GPHN: variants seen among roughly 807,000 people sequenced by gnomAD.
GPHN encodes the protein gephyrin.
A neutral mutation model predicts 95.5 loss-of-function variants in GPHN; 17 were observed. That is an observed-to-expected ratio of 0.18 (90% CI 0.12 to 0.27). GPHN has a LOEUF of 0.27. Ranked by LOEUF, GPHN falls within the 10% of genes least tolerant of loss-of-function variation. The pLI, the probability that GPHN is intolerant of heterozygous loss-of-function variation, is 1.00. For missense variants in GPHN, 660 were observed against 978.1 expected (o/e 0.67, Z 4.34); for synonymous variants, 320 against 322.5 (o/e 0.99, Z 0.08).
At chr14:66,998,327 A>G (rs375967285) in intron 9 of GPHN, among the ~76,000 whole-genome samples, 4 of 152,116 alleles carry the variant, frequency 2.6e-5, no homozygotes, top group South Asian at 2.1e-4. Context: ...TGTGGTCTCC[A>G]TAGGTGCTGT....
At chr14:67,195,266 C>A in the GPHN span, among the ~76,000 whole-genome samples, 3 of 152,204 alleles carry the variant, frequency 2.0e-5, no homozygotes, top group African/African-American at 7.2e-5. Context: ...GAGACCCAGT[C>A]GTGGCTGCAA....
At chr14:66,662,001 G>A (rs1161170620) in intron 1 of GPHN, among the ~76,000 whole-genome samples, 2 of 152,192 alleles carry the variant, frequency 1.3e-5, no homozygotes, top group Non-Finnish European at 2.9e-5. Context: ...ATGTTCTGTG[G>A]CTAAGAGGTT....
At chr14:67,123,295 A>C (rs909855513) in intron 17 of GPHN, among the ~76,000 whole-genome samples, 1 of 152,226 alleles carries the variant, frequency 6.6e-6, no homozygotes, top group African/African-American at 2.4e-5. Context: ...GCTTTTGAAG[A>C]GGTTCTGACC....
At chr14:67,382,367 A>G in the GPHN span, 1 of 1,332,636 alleles carries the variant, frequency 7.5e-7, no homozygotes, top group African/African-American at 1.5e-5. Context: ...AATACAGCAG[A>G]TTAATAAAAT....
At chr14:66,639,961 G>A (rs528308726) in intron 1 of GPHN, among the ~76,000 whole-genome samples, 49 of 152,216 alleles carry the variant, frequency 3.2e-4, no homozygotes, top group African/African-American at 1.1e-3. Context: ...TGGAGATTAG[G>A]TTAGAGAAGA....
chr14:67,325,733 C>T, the GPHN span, among the ~76,000 whole-genome samples: 1 of 152,020 alleles, frequency 6.6e-6, no homozygotes, highest in African/African-American at 2.4e-5. Flanking sequence ...TCTTTTTAGG[C>T]TATCTTTTTT....
chr14:66,665,918 G>A (rs1253411038), intron 1 of GPHN, among the ~76,000 whole-genome samples: 1 of 152,132 alleles, frequency 6.6e-6, no homozygotes, highest in African/African-American at 2.4e-5. Context: ...ATACTATGCA[G>A]CCATAAAAAA....
At chr14:66,573,201 G>A (rs2060767021) in intron 1 of GPHN, among the ~76,000 whole-genome samples, 2 of 152,188 alleles carry the variant, frequency 1.3e-5, no homozygotes, top group Non-Finnish European at 2.9e-5. Flanking sequence ...GTGTATATCT[G>A]TGAGGTCCAA....
At chr14:66,878,175 C>T (rs570320135) in intron 4 of GPHN, among the ~76,000 whole-genome samples, 6 of 152,112 alleles carry the variant, frequency 3.9e-5, no homozygotes, top group Admixed American at 2.6e-4. Context: ...TAGCCATATG[C>T]AGAAAACTGA....
intron 1 of GPHN, among the ~76,000 whole-genome samples, chr14:66,540,426 G>T (rs1277290236): frequency 6.6e-6 from 1 of 152,138 alleles, no homozygotes; most frequent in Non-Finnish European, 1.5e-5. Flanking sequence ...AAGGAAAGTG[G>T]AGTGAATAAT....
intron 1 of GPHN, among the ~76,000 whole-genome samples, chr14:66,524,562 T>C (rs1430863870): frequency 1.3e-5 from 2 of 152,150 alleles, no homozygotes; most frequent in Non-Finnish European, 2.9e-5. Context: ...GTTTGTTACA[T>C]AGGTATACAC....
chr14:66,816,375 T>G (rs989139628), intron 3 of GPHN, among the ~76,000 whole-genome samples: 1 of 152,202 alleles, frequency 6.6e-6, no homozygotes, highest in African/African-American at 2.4e-5. Flanking sequence ...ACATGGCATA[T>G]ATCCTAAAAT....
At chr14:67,531,173 T>C in the GPHN span, among the ~76,000 whole-genome samples, 23 of 152,262 alleles carry the variant, frequency 1.5e-4, no homozygotes, top group Admixed American at 6.5e-5. Flanking sequence ...CCCAGCTACC[T>C]GGGAGGCTGA....
chr14:67,579,928 G>A, the GPHN span: 68 of 1,521,690 alleles, frequency 4.5e-5, no homozygotes, highest in South Asian at 1.2e-5. Flanking sequence ...AGGGATATTG[G>A]TGGTGGGGAA....
chr14:67,642,449 T>G, the GPHN span: 10 of 1,444,878 alleles, frequency 6.9e-6, no homozygotes, highest in South Asian at 1.3e-4. Context: ...TTTCTTCATC[T>G]GGAGAAAAAT....
intron 1 of GPHN, among the ~76,000 whole-genome samples, chr14:66,623,335 C>G (rs1205514961): frequency 6.6e-6 from 1 of 152,120 alleles, no homozygotes; most frequent in African/African-American, 2.4e-5. Flanking sequence ...GTAGGAGTTA[C>G]AATTGAGGAT....
intron 5 of GPHN, among the ~76,000 whole-genome samples, chr14:66,890,812 A>AC (rs2064449528): frequency 6.6e-6 from 1 of 151,616 alleles, no homozygotes; most frequent in Non-Finnish European, 1.5e-5. Flanking sequence ...GGAAAAAAAA[A>AC]CCCATGTGAT....
chr14:67,716,606 G>A, the GPHN span, among the ~76,000 whole-genome samples: 1 of 152,220 alleles, frequency 6.6e-6, no homozygotes, highest in Non-Finnish European at 1.5e-5. Context: ...TTTACAGGCT[G>A]AGTGTGGTGG....
At chr14:67,182,952 C>A (rs1279427941), downstream of GPHN, among the ~76,000 whole-genome samples, 3 of 148,904 alleles carry the variant, frequency 2.0e-5, no homozygotes, top group Non-Finnish European at 4.4e-5. Flanking sequence ...CTCAAGTGAT[C>A]CTCCTGCATC....
Sources: allele counts gnomAD v4.1 joint callset (sites outside exome capture counted in the v4.1 genomes callset), GRCh38; gene constraint gnomAD v4.1.1; transcripts MANE v1.5; gene names NCBI Gene and HGNC (gene_info 2026-07-23, HGNC 2026-07-21).